Variants in AXDND1 observed in about 807,000 individuals in gnomAD.
AXDND1 encodes the protein axonemal dynein light chain domain-containing protein 1.
Under a neutral mutation model 137.5 loss-of-function variants are expected in AXDND1, and 110 were observed. That is an observed-to-expected ratio of 0.80 (90% CI 0.69 to 0.94). The LOEUF is 0.94. Ranked by LOEUF, AXDND1 falls within the 40% of genes least tolerant of loss-of-function variation. The pLI is 0.00. For missense variants in AXDND1, 1,191 were observed against 1,169.8 expected (o/e 1.02, Z -0.26); for synonymous variants, 414 against 399.7 (o/e 1.04, Z -0.43).
chr1:179,488,634 CCTTTCTTTCTT>C (rs1351243900), intron 18 of AXDND1, among the ~76,000 whole-genome samples: 8,968 of 105,184 alleles, frequency 0.085, 871 homozygotes, highest in Admixed American at 0.13. Context: ...CTCTCTCTCT[CCTTTCTTTCTT>C]TCTTTCTTTC....
Position 179,411,149 on chromosome 1 carries a change from A to G in AXDND1, c.1113A>G (p.Ile371Met), listed in dbSNP as rs901863349. 5.1e-6 allele frequency: 8 copies of G among 1,563,496 alleles called. No homozygotes were observed. Among genetic ancestry groups the G allele is most frequent in the East Asian group, 2.3e-5 (1 of 43,388 alleles). ...TGTTTCTTAATTGTTTTTATAGAAT[A>G]GTAGAAGAATATCATGACTTATATA... The part of the protein sequence containing the change: ...ALLNAEKNAK[I>M]VEEYHDLYTL... The change falls in exon 12 of 26, where the codon ATA (isoleucine) becomes ATG (methionine). Residue 371 changes from isoleucine (I) to methionine (M), a missense_variant. By Grantham distance (10) the Ile-to-Met change is conservative. Coordinates refer to ENST00000367618, the MANE Select transcript of AXDND1 (RefSeq NM_144696.6).
At chr1:179,467,331 A>G (rs1205004159) in intron 16 of AXDND1, among the ~76,000 whole-genome samples, 2 of 152,166 alleles carry the variant, frequency 1.3e-5, no homozygotes, top group South Asian at 2.1e-4. Context: ...TAAAATGGCA[A>G]TACTTATCCA....
chr1:179,476,289 C>A (rs1355161988), intron 17 of AXDND1, among the ~76,000 whole-genome samples: 1 of 152,160 alleles, frequency 6.6e-6, no homozygotes, highest in Non-Finnish European at 1.5e-5. Flanking sequence ...CTCTTGTGTG[C>A]TGTTTTGGCA....
chr1:179,451,136 A>G (rs1042287865), intron 16 of AXDND1: 2 of 152,040 alleles, frequency 1.3e-5, no homozygotes, highest in African/African-American at 4.8e-5. Flanking sequence ...CTTTTCTGTT[A>G]TTTTGGAAGA....
chr1:179,450,977 G>A (rs12749554), intron 16 of AXDND1: 6 of 151,992 alleles, frequency 3.9e-5, no homozygotes, highest in Non-Finnish European at 8.8e-5. Context: ...TATGTTTCTA[G>A]CTTTGGTTTG....
intron 22 of AXDND1, among the ~76,000 whole-genome samples, chr1:179,527,252 G>A (rs940288781): frequency 6.6e-6 from 1 of 152,132 alleles, no homozygotes; most frequent in African/African-American, 2.4e-5. Context: ...TGGCGCTGAT[G>A]GGAGTATAGC....
intron 13 of AXDND1, among the ~76,000 whole-genome samples, chr1:179,430,239 GA>G (rs1030519486): frequency 4.0e-5 from 6 of 150,020 alleles, no homozygotes; most frequent in African/African-American, 1.5e-4. Flanking sequence ...TGTTGCAAAG[GA>G]AAAAAAAATC....
chr1:179,376,388 C>T (rs1295212799), intron 4 of AXDND1, among the ~76,000 whole-genome samples: 2 of 152,030 alleles, frequency 1.3e-5, no homozygotes, highest in East Asian at 1.9e-4. Context: ...GTTTCATATC[C>T]GGTGAATACT....
Position 179,533,798 on chromosome 1 carries a change from G to C in AXDND1, c.2719G>C (p.Glu907Gln), listed in dbSNP as rs765763335. Residue 907 changes from glutamate (E) to glutamine (Q), a missense_variant, in exon 24 of 26, where the codon GAG (glutamate) becomes CAG (glutamine). Transcript: ENST00000367618. ...TATCTCATATTTCCTCTGTCAGAGAGAGTCAGCTAAGCAAGGTACATTGGC... is the reference window on the plus strand; with the variant it reads ...TATCTCATATTTCCTCTGTCAGAGACAGTCAGCTAAGCAAGGTACATTGGC... ...FETDVLSSWR[E>Q]SAKQGTLAQK... 6.2e-7 allele frequency: 1 copy of C among 1,609,482 alleles called. No homozygotes were observed. Among genetic ancestry groups the C allele is most frequent in the Non-Finnish European group, 8.5e-7 (1 of 1,176,184 alleles).
At chr1:179,509,004 A>G (rs1668780396) in intron 20 of AXDND1, among the ~76,000 whole-genome samples, 1 of 152,172 alleles carries the variant, frequency 6.6e-6, no homozygotes, top group African/African-American at 2.4e-5. Flanking sequence ...AAAATTTATT[A>G]GGAGGCCATT....
chr1:179,533,393 T>G (rs1288291060), intron 23 of AXDND1, among the ~76,000 whole-genome samples: 1 of 152,202 alleles, frequency 6.6e-6, no homozygotes, highest in East Asian at 1.9e-4. Context: ...ACATTCTTAG[T>G]GAAGTAAATT....
chr1:179,508,335 CAAAA>C (rs11298194), intron 20 of AXDND1, among the ~76,000 whole-genome samples: 4 of 139,906 alleles, frequency 2.9e-5, no homozygotes, highest in Admixed American at 7.1e-5. Flanking sequence ...GACCCTGTCT[CAAAA>C]AAAAAAAAAA....
intron 4 of AXDND1, among the ~76,000 whole-genome samples, chr1:179,376,066 G>A (rs983625310): frequency 2.6e-5 from 4 of 152,046 alleles, no homozygotes; most frequent in African/African-American, 9.7e-5. Flanking sequence ...TATTGCAACT[G>A]TTATAGTCAT....
chr1:179,432,694 G>A (rs1037000883), intron 15 of AXDND1, among the ~76,000 whole-genome samples: 2 of 152,074 alleles, frequency 1.3e-5, no homozygotes, highest in African/African-American at 4.8e-5. Flanking sequence ...CCAAAGTGTT[G>A]GGATTACAGG....
chr1:179,450,901 G>T (rs1014145705), intron 16 of AXDND1: 1 of 152,232 alleles, frequency 6.6e-6, no homozygotes, highest in Non-Finnish European at 1.5e-5. Flanking sequence ...TCCAGCCTGG[G>T]TGACAGAGAG....
intron 17 of AXDND1, among the ~76,000 whole-genome samples, chr1:179,469,630 A>G (rs2125485604): frequency 6.6e-6 from 1 of 152,232 alleles, no homozygotes; most frequent in East Asian, 1.9e-4. Context: ...AACCTACACA[A>G]TTTTACATTC....
rs1471687125 is a variant in AXDND1 at position 179,491,051 on chromosome 1, G to A, written c.2092-487G>A. Among the ~76,000 whole-genome samples the A allele has an allele frequency of 6.6e-5, 10 of 152,270 alleles. No individual in the cohort carries two copies. In the South Asian group the frequency reaches 1.0e-3, roughly 16 times the overall value. On this transcript the variant is annotated intron_variant, in intron 18 of 25. Transcript: ENST00000367618. ...CTAAAGAAGAGATCAGTGGCTGGGC[G>A]TGTGGTTCACGCCTGTAATCCTAGC... is the stretch of plus-strand genomic sequence containing the variant.
intron 11 of AXDND1, among the ~76,000 whole-genome samples, chr1:179,407,230 CTT>C (rs1264397210): frequency 2.8e-5 from 4 of 144,206 alleles, no homozygotes; most frequent in African/African-American, 2.5e-5. Context: ...TTTTTTCTTT[CTT>C]TTTTTTTTTG....
intron 8 of AXDND1, among the ~76,000 whole-genome samples, chr1:179,384,945 G>C (rs915134786): frequency 6.6e-6 from 1 of 151,856 alleles, no homozygotes; most frequent in East Asian, 1.9e-4. Context: ...TATATTTTTT[G>C]TACAGACAGG....
Sources: gnomAD v4.1 joint callset for allele counts (sites outside exome capture counted in the v4.1 genomes callset) on GRCh38, gnomAD v4.1.1 for gene constraint, MANE v1.5 for transcripts, NCBI Gene and HGNC (gene_info 2026-07-23, HGNC 2026-07-21) for gene names.